RBFOX1: variants seen among roughly 807,000 people sequenced by gnomAD.
RBFOX1 encodes the protein RNA binding fox-1 homolog 1.
RBFOX1 carries 8 observed loss-of-function variants against 57.7 expected under a neutral mutation model. That is an observed-to-expected ratio of 0.14 (90% CI 0.08 to 0.25). The LOEUF is 0.25. Ranked by LOEUF, RBFOX1 falls within the 10% of genes least tolerant of loss-of-function variation. The probability of loss-of-function intolerance (pLI) is 1.00; values close to 1 mark genes in which losing one functional copy is unlikely to be tolerated. For missense variants in RBFOX1, 611 were observed against 548.5 expected, an observed-to-expected ratio of 1.11 and a Z score of -1.14; for synonymous variants, 326 against 222.4, an observed-to-expected ratio of 1.47 and a Z score of -4.15.
chr16:6,861,965 G>A (rs1316473920), intron 3 of RBFOX1, among the ~76,000 whole-genome samples: 2 of 151,292 alleles, frequency 1.3e-5, no homozygotes, highest in African/African-American at 4.9e-5. Context: ...AATATGCAAT[G>A]GGAGGCTTGA....
intron 3 of RBFOX1, among the ~76,000 whole-genome samples, chr16:6,878,300 A>G (rs1259749595): frequency 6.6e-6 from 1 of 152,192 alleles, no homozygotes; most frequent in African/African-American, 2.4e-5. Context: ...CTGGCTAATG[A>G]ACTATAAATG....
chr16:6,627,590 C>T (rs1002850561), intron 2 of RBFOX1, among the ~76,000 whole-genome samples: 5 of 152,070 alleles, frequency 3.3e-5, no homozygotes, highest in Non-Finnish European at 5.9e-5. Flanking sequence ...ACTATGAACG[C>T]TAGACTGAGA....
chr16:5,283,306 C>A (rs1430382320), intron 1 of RBFOX1, among the ~76,000 whole-genome samples: 1 of 152,172 alleles, frequency 6.6e-6, no homozygotes, highest in African/African-American at 2.4e-5. Flanking sequence ...GGGTCGGAGC[C>A]CCCACATAGA....
chr16:7,613,153 A>T (rs2057841882), intron 10 of RBFOX1, among the ~76,000 whole-genome samples: 1 of 152,184 alleles, frequency 6.6e-6, no homozygotes, highest in Non-Finnish European at 1.5e-5. Context: ...AACCTTGAAG[A>T]AAACAAAAAC....
chr16:6,319,150 C>T (rs2081459582), intron 2 of RBFOX1, among the ~76,000 whole-genome samples: 1 of 151,976 alleles, frequency 6.6e-6, no homozygotes, highest in South Asian at 2.1e-4. Flanking sequence ...TTAGCAGGAG[C>T]GATGACCTAG....
At chr16:6,705,265 A>G (rs2062526329) in intron 3 of RBFOX1, 1 of 152,194 alleles carries the variant, frequency 6.6e-6, no homozygotes, top group African/African-American at 2.4e-5. Context: ...GGTTACTCAA[A>G]ACATACTGGG....
intron 3 of RBFOX1, among the ~76,000 whole-genome samples, chr16:6,937,923 GT>G (rs1185635730): frequency 7.7e-6 from 1 of 129,496 alleles, no homozygotes; most frequent in Non-Finnish European, 1.5e-5. Flanking sequence ...GTCTGAATCA[GT>G]TTTTCAGCTC....
intron 2 of RBFOX1, among the ~76,000 whole-genome samples, chr16:6,345,529 C>T (rs541687782): frequency 1.3e-5 from 2 of 152,236 alleles, no homozygotes; most frequent in African/African-American, 4.8e-5. Flanking sequence ...TCTATCCGAC[C>T]TGGTATGGGA....
intron 4 of RBFOX1, among the ~76,000 whole-genome samples, chr16:7,272,083 C>T (rs1476892071): frequency 6.6e-6 from 1 of 152,206 alleles, no homozygotes; most frequent in African/African-American, 2.4e-5. Flanking sequence ...TTCATATCCC[C>T]ATTGTCGGCG....
intron 3 of RBFOX1, among the ~76,000 whole-genome samples, chr16:5,743,811 G>A (rs117403211): frequency 6.6e-6 from 1 of 152,114 alleles, no homozygotes; most frequent in African/African-American, 2.4e-5. Flanking sequence ...CCAAAGTGCT[G>A]GGATTATAGG....
At chr16:6,203,217 G>T (rs2097227795) in intron 1 of RBFOX1, among the ~76,000 whole-genome samples, 1 of 152,064 alleles carries the variant, frequency 6.6e-6, no homozygotes, top group South Asian at 2.1e-4. Context: ...TGCATTACTG[G>T]AGCTTTGTAC....
intron 2 of RBFOX1, among the ~76,000 whole-genome samples, chr16:6,514,820 G>T (rs2096339622): frequency 6.6e-6 from 1 of 152,088 alleles, no homozygotes; most frequent in East Asian, 1.9e-4. Flanking sequence ...AAGTGTTCAT[G>T]GATCCGCCCT....
At chr16:5,972,044 G>A (rs1356922203) in intron 4 of RBFOX1, among the ~76,000 whole-genome samples, 5 of 152,166 alleles carry the variant, frequency 3.3e-5, no homozygotes, top group African/African-American at 4.8e-5. Context: ...TGAAGCATGG[G>A]CTCTTTCTGG....
At chr16:5,741,030 G>A (rs1337437460) in intron 3 of RBFOX1, among the ~76,000 whole-genome samples, 1 of 152,124 alleles carries the variant, frequency 6.6e-6, no homozygotes, top group Non-Finnish European at 1.5e-5. Flanking sequence ...CTATGTCTTG[G>A]TACTATTATC....
At position 5,525,491 on chromosome 16, in the gene RBFOX1, A is replaced by ATTTTTTTTTT. The variant is rs71404528; in HGVS notation, c.258+58252_258+58261dup. 1.3e-3 allele frequency among the ~76,000 whole-genome samples: 105 copies of ATTTTTTTTTT among 78,274 alleles called. 3 individuals are homozygous for ATTTTTTTTTT. The highest frequency in any genetic ancestry group is 5.6e-3 in the African/African-American group (103 of 18,374). 51.4% of individuals were successfully genotyped at this position (78,274 alleles called of 152,430 possible). ...ATAGGCTGGCTCTAGAGCCGACACT[A>ATTTTTTTTTT]TTTTTTTTTTTTTTTTTTTTTTTTG... On this transcript the variant is annotated intron_variant, in intron 2 of 2. Transcript: ENST00000585867.
intron 3 of RBFOX1, among the ~76,000 whole-genome samples, chr16:6,853,724 C>T (rs970148910): frequency 3.9e-5 from 6 of 152,098 alleles, no homozygotes; most frequent in Admixed American, 2.0e-4. Context: ...TACCAGTAGA[C>T]AATGTGATTG....
At chr16:5,680,352 C>G (rs981263159) in intron 3 of RBFOX1, among the ~76,000 whole-genome samples, 2 of 152,148 alleles carry the variant, frequency 1.3e-5, no homozygotes, top group African/African-American at 4.8e-5. Context: ...TCCATTGAAC[C>G]CTAATGTCCT....
At chr16:5,572,436 T>C in intron 2 of RBFOX1, among the ~76,000 whole-genome samples, 1 of 152,180 alleles carries the variant, frequency 6.6e-6, no homozygotes, top group East Asian at 1.9e-4. Context: ...ACATTTTGGG[T>C]CACTTTGTTG....
chr16:6,722,825 T>C (rs2066294098), intron 3 of RBFOX1, among the ~76,000 whole-genome samples: 1 of 152,178 alleles, frequency 6.6e-6, no homozygotes, highest in South Asian at 2.1e-4. Flanking sequence ...GTACATTGGC[T>C]GCAATATTCA....
Sources: gnomAD v4.1 joint callset for allele counts (sites outside exome capture counted in the v4.1 genomes callset) on GRCh38, gnomAD v4.1.1 for gene constraint, MANE v1.5 for transcripts, NCBI Gene and HGNC (gene_info 2026-07-23, HGNC 2026-07-21) for gene names.